The following CRACD variants were observed in gnomAD, a reference collection of about 807,000 sequenced individuals.
CRACD encodes capping protein-inhibiting regulator of actin dynamics.
A neutral mutation model predicts 106.8 loss-of-function variants in CRACD; 56 were observed. The ratio of observed to expected loss-of-function variants is 0.52; its 90% CI spans 0.42 to 0.66. The LOEUF (loss-of-function observed/expected upper bound fraction) is 0.66, where lower values mean the gene tolerates loss of function less well. Among genes scored for constraint, CRACD ranks in the 30% least tolerant of loss-of-function variants. CRACD has a pLI of 0.00. For missense variants in CRACD, 1,730 were observed against 1,623.2 expected (o/e 1.07, Z -1.13); for synonymous variants, 754 against 670.8 (o/e 1.12, Z -1.92).
chr4:56,144,969 G>A (rs1735330628), intron 1 of CRACD, among the ~76,000 whole-genome samples: 1 of 152,024 alleles, frequency 6.6e-6, no homozygotes, highest in Non-Finnish European at 1.5e-5. Flanking sequence ...TGTGTTTTTA[G>A]TAGAGATTGG....
At chr4:56,098,165 CTGTAGACA>C (rs1733657831) in intron 1 of CRACD, among the ~76,000 whole-genome samples, 1 of 152,140 alleles carries the variant, frequency 6.6e-6, no homozygotes, top group African/African-American at 2.4e-5. Flanking sequence ...AAATGTGTTA[CTGTAGACA>C]TTGAGGGGAC....
At chr4:56,174,066 T>C (rs1006372723) in intron 1 of CRACD, among the ~76,000 whole-genome samples, 1 of 152,366 alleles carries the variant, frequency 6.6e-6, no homozygotes, top group Non-Finnish European at 1.5e-5. Flanking sequence ...ATTGGGTTGT[T>C]TGTTACTGAG....
At chr4:56,243,924 C>T (rs561106222) in intron 2 of CRACD, among the ~76,000 whole-genome samples, 1 of 152,234 alleles carries the variant, frequency 6.6e-6, no homozygotes, top group Admixed American at 6.5e-5. Context: ...CCTCAAAGCC[C>T]CTTACTACCC....
At chr4:56,071,494 T>TTTCC (rs57061938) in intron 1 of CRACD, among the ~76,000 whole-genome samples, 49,573 of 150,290 alleles carry the variant, frequency 0.33, 9,604 homozygotes, top group African/African-American at 0.55. Flanking sequence ...ACAGGTTGTA[T>TTTCC]TTCTTTCTTT....
chr4:56,078,804 G>T (rs1732926998), intron 1 of CRACD, among the ~76,000 whole-genome samples: 1 of 152,162 alleles, frequency 6.6e-6, no homozygotes, highest in Non-Finnish European at 1.5e-5. Flanking sequence ...TATGCCTGGT[G>T]GGGGTTACCC....
intron 1 of CRACD, among the ~76,000 whole-genome samples, chr4:56,074,400 A>G (rs1010566335): frequency 2.6e-5 from 4 of 152,082 alleles, no homozygotes; most frequent in African/African-American, 4.8e-5. Context: ...GAGGTCCTTC[A>G]TGTCCCTTGT....
chr4:56,201,248 G>A (rs1737865629), intron 2 of CRACD, among the ~76,000 whole-genome samples: 1 of 152,164 alleles, frequency 6.6e-6, no homozygotes, highest in African/African-American at 2.4e-5. Flanking sequence ...TAACTTAATG[G>A]CTATGTATGC....
intron 1 of CRACD, among the ~76,000 whole-genome samples, chr4:56,066,895 A>G (rs1394777013): frequency 1.3e-5 from 2 of 152,224 alleles, no homozygotes. Context: ...AAAACAGTCT[A>G]GAAGAGGAAA....
chr4:56,163,193 C>T (rs565201028), intron 1 of CRACD, among the ~76,000 whole-genome samples: 10 of 152,110 alleles, frequency 6.6e-5, no homozygotes, highest in African/African-American at 1.7e-4. Context: ...GCCTTCGAGA[C>T]GTTCCAAGGA....
intron 1 of CRACD, among the ~76,000 whole-genome samples, chr4:56,177,678 C>G (rs1322901987): frequency 6.6e-6 from 1 of 152,158 alleles, no homozygotes; most frequent in Admixed American, 6.5e-5. Flanking sequence ...CTTTTTATTG[C>G]TACTTCAATC....
intron 1 of CRACD, among the ~76,000 whole-genome samples, chr4:56,114,256 G>T (rs1734211863): frequency 6.6e-6 from 1 of 151,360 alleles, no homozygotes; most frequent in African/African-American, 2.4e-5. Flanking sequence ...GCACCTATTG[G>T]CAAGCATAAG....
chr4:56,184,599 G>A (rs1272853788), intron 2 of CRACD, among the ~76,000 whole-genome samples: 1 of 152,182 alleles, frequency 6.6e-6, no homozygotes, highest in Non-Finnish European at 1.5e-5. Flanking sequence ...CAGATAAATA[G>A]TTGCTGCTCT....
At position 56,183,240 on chromosome 4, in the gene CRACD, T is replaced by TAAATAAAATAAAA. The variant is rs1736922253; in HGVS notation, c.-189+3813_-189+3814insTAAAATAAAAAAA. On this transcript the variant is annotated intron_variant, in intron 2 of 10. Transcript: ENST00000682029. ...AAGAGTGAAACTCCGTCTCAAAAAA[T>TAAATAAAATAAAA]AAAATAAAATAAAATAAAATAAAAT... Among the ~76,000 whole-genome samples the TAAATAAAATAAAA allele has an allele frequency of 2.0e-3, 208 of 101,780 alleles. 2 individuals are homozygous for TAAATAAAATAAAA. The highest frequency in any genetic ancestry group is 9.2e-3 in the African/African-American group (194 of 21,138). The allele number at this position is 101,780 out of a possible 152,430, so 66.8% of individuals were successfully genotyped here. A position where few individuals can be genotyped will look rare whatever the true frequency, so the allele number is the denominator to read the frequency against.
chr4:56,142,016 C>T (rs1735220206), intron 1 of CRACD, among the ~76,000 whole-genome samples: 1 of 151,920 alleles, frequency 6.6e-6, no homozygotes, highest in African/African-American at 2.4e-5. Flanking sequence ...ATTACCTTCT[C>T]CAAATTGTGA....
intron 1 of CRACD, among the ~76,000 whole-genome samples, chr4:56,163,538 G>A (rs536361229): frequency 1.1e-4 from 16 of 151,968 alleles, no homozygotes; most frequent in African/African-American, 3.9e-4. Context: ...TAGTTTGATT[G>A]CTTCATTTTA....
chr4:56,185,605 C>T (rs1015459412), intron 2 of CRACD, among the ~76,000 whole-genome samples: 3 of 152,174 alleles, frequency 2.0e-5, no homozygotes, highest in Non-Finnish European at 4.4e-5. Flanking sequence ...AAAAAGAAAA[C>T]CCCTTCAGAA....
At chr4:56,305,523 T>G (rs1201901303) in intron 4 of CRACD, among the ~76,000 whole-genome samples, 2 of 112,420 alleles carry the variant, frequency 1.8e-5, no homozygotes, top group Admixed American at 1.8e-4. Flanking sequence ...CTTATTGATT[T>G]GCTTAGAGTA....
In CRACD at chr4:56,314,720, G is replaced by C. The variant is rs1745443106; in HGVS notation, c.1218G>C (p.Glu406Asp). 3 of 1,568,454 alleles carry C rather than the reference G, an allele frequency of 1.9e-6. No homozygotes were observed. The highest frequency in any genetic ancestry group is 1.9e-5 in the Admixed American group (1 of 51,656). ...AEEEDLGEEE[E>D]EGQAHLEDWR... Reference sequence around the variant, plus strand: ...AGGAGGATCTGGGGGAAGAGGAGGAGGAGGGCCAGGCGCACCTGGAGGACT... The same window carrying C: ...AGGAGGATCTGGGGGAAGAGGAGGACGAGGGCCAGGCGCACCTGGAGGACT... The change falls in exon 8 of 11, where the codon GAG becomes GAC. Residue 406 changes from glutamate (E) to aspartate (D), a missense_variant. Glu to Asp is a conservative substitution (Grantham distance 45). Transcript: ENST00000682029. This position sits in a 1 kb window ranked among gnomAD's most constrained non-coding sequence, Gnocchi z 4.4.
rs184236999 is a variant in CRACD, at chr4:56,072,762, C to G, written c.-336+23463C>G. Among the ~76,000 whole-genome samples the G allele has an allele frequency of 2.1e-3, 318 of 152,174 alleles. 2 individuals carry two copies. Among genetic ancestry groups the G allele is most frequent in the African/African-American group, 7.4e-3 (308 of 41,518 alleles). ...TAATGCTCTTCCTCCCCTTGTTTCC[C>G]CACCCCAGACAGGCCCCCGTGTATG... On this transcript the variant is annotated intron_variant, in intron 1 of 10. Transcript: ENST00000682029.
Sources: gnomAD v4.1 joint callset for allele counts (sites outside exome capture counted in the v4.1 genomes callset) on GRCh38, gnomAD v4.1.1 for gene constraint, Gnocchi (gnomAD v3.1) non-coding constraint, MANE v1.5 for transcripts, NCBI Gene and HGNC (gene_info 2026-07-23, HGNC 2026-07-21) for gene names.